ATP9A: variants seen among roughly 807,000 people sequenced by gnomAD.
ATP9A encodes probable phospholipid-transporting ATPase IIA.
In ATP9A, 52 loss-of-function variants were observed where a neutral mutation model predicts 144.1. The ratio of observed to expected loss-of-function variants is 0.36; its 90% CI spans 0.29 to 0.45. The LOEUF is 0.45. ATP9A is among the 20% of genes least tolerant of loss of function. The pLI is 1.00. For missense variants in ATP9A, 947 were observed against 1,392.7 expected (o/e 0.68, Z 5.09); for synonymous variants, 582 against 557.4 (o/e 1.04, Z -0.62).
In ATP9A at chr20:51,660,311, A is replaced by G. The variant is rs184180034; in HGVS notation, c.1294-3161T>C. Among the ~76,000 whole-genome samples, 7 of 152,356 alleles carry G rather than the reference A, an allele frequency of 4.6e-5. No individual in the cohort carries two copies. In the East Asian group the frequency reaches 5.8e-4, roughly 13 times the overall value. The stretch of plus-strand genomic sequence containing the variant: ...GGATTTTGTAAAGCAATCTGCTTTC[A>G]TATCTACAAAAGTCAAATGCTTCCA... On this transcript the variant is annotated intron_variant, in intron 13 of 27. Coordinates refer to ENST00000338821, the MANE Select transcript of ATP9A (RefSeq NM_006045.3).
At chr20:51,729,082 G>A (rs1368936201) in intron 2 of ATP9A, among the ~76,000 whole-genome samples, 1 of 152,100 alleles carries the variant, frequency 6.6e-6, no homozygotes, top group Non-Finnish European at 1.5e-5. Context: ...TCTATAGATG[G>A]TAAGATTAAA....
Position 51,718,814 on chromosome 20 carries a change from C to CAAAAAAAAAAAAAAAAAAAAAA in ATP9A, c.328-5762_328-5741dup, listed in dbSNP as rs71192550. ...TGGGCAACAGAGCAAGACTCCATCT[C>CAAAAAAAAAAAAAAAAAAAAAA]AAAAAAAAAAAAAAAAAAAAAAAAA... On this transcript the variant is annotated intron_variant, in intron 3 of 27. Coordinates refer to ENST00000338821, the MANE Select transcript of ATP9A (RefSeq NM_006045.3). 5.0e-4 allele frequency among the ~76,000 whole-genome samples: 29 copies of CAAAAAAAAAAAAAAAAAAAAAA among 57,688 alleles called. 1 individual carries two copies. The highest frequency in any genetic ancestry group is 6.1e-4 in the Non-Finnish European group (20 of 32,820). The allele number at this position is 57,688 out of a possible 152,430, so 37.8% of individuals were successfully genotyped here.
chr20:51,647,809 G>A (rs1601080227), intron 14 of ATP9A, among the ~76,000 whole-genome samples: 1 of 152,260 alleles, frequency 6.6e-6, no homozygotes, highest in South Asian at 2.1e-4. Context: ...ATGGGACAGA[G>A]CTTTTGCCTC....
At chr20:51,658,888 C>CGGTGGGGTGGGGGGGGGG (rs746874247) in intron 13 of ATP9A, among the ~76,000 whole-genome samples, 1 of 54,826 alleles carries the variant, frequency 1.8e-5, no homozygotes, top group African/African-American at 8.4e-5. Flanking sequence ...AGACCACTGG[C>CGGTGGGGTGGGGGGGGGG]GGGGGGGGGG....
At chr20:51,698,139 G>A (rs2077578382) in intron 4 of ATP9A, among the ~76,000 whole-genome samples, 1 of 152,154 alleles carries the variant, frequency 6.6e-6, no homozygotes, top group African/African-American at 2.4e-5. Context: ...TTCCCCCAAA[G>A]TCTCAGAGTT....
chr20:51,651,457 AAT>A (rs1372652598), intron 14 of ATP9A, among the ~76,000 whole-genome samples: 1 of 147,824 alleles, frequency 6.8e-6, no homozygotes, highest in African/African-American at 2.5e-5. Flanking sequence ...AAATAAAATA[AAT>A]ATATATGTAT....
chr20:51,628,499 G>A (rs1416056632), intron 16 of ATP9A, among the ~76,000 whole-genome samples: 4 of 152,182 alleles, frequency 2.6e-5, no homozygotes. Context: ...CATCTTGTTT[G>A]CCCTCTCCTG....
In ATP9A at chr20:51,600,621, G is replaced by C. The variant is rs1219914720; in HGVS notation, c.*590C>G. On this transcript the variant is annotated 3_prime_UTR_variant, in exon 28 of 28. Coordinates refer to ENST00000338821, the MANE Select transcript of ATP9A (RefSeq NM_006045.3). ...GATCCCAGGAATCCAGTGTAACCTG[G>C]ATAAGCAGGGCTGGCTGGAGACGAT... The C allele has an allele frequency of 6.6e-6, 1 of 152,132 alleles. No homozygotes were observed. The highest frequency in any genetic ancestry group is 1.9e-4 in the East Asian group (1 of 5,196). 9.4% of individuals were successfully genotyped at this position (152,132 alleles called of 1,614,324 possible).
In ATP9A at chr20:51,701,155, G is replaced by A. The variant is rs548583123; in HGVS notation, c.437-3673C>T. Among the ~76,000 whole-genome samples the A allele has an allele frequency of 2.7e-4, 41 of 152,120 alleles. 1 individual carries two copies. The highest frequency in any genetic ancestry group is 2.4e-3 in the Admixed American group (37 of 15,270). On this transcript the variant is annotated intron_variant, in intron 4 of 27. Coordinates refer to ENST00000338821, the MANE Select transcript of ATP9A (RefSeq NM_006045.3). Reference sequence around the variant, plus strand: ...TGACCTGGCCCAAATGATCACACCCGGGTTCAGATCTTCAAGCTCTAGTTA... The same window carrying A: ...TGACCTGGCCCAAATGATCACACCCAGGTTCAGATCTTCAAGCTCTAGTTA...
Position 51,670,294 on chromosome 20 carries a change from G to A in ATP9A, c.1181-185C>T, listed in dbSNP as rs556674671. Among the ~76,000 whole-genome samples the A allele has an allele frequency of 3.2e-4, 48 of 152,270 alleles. 1 individual carries two copies. The South Asian group carries it at 9.5e-3, about 30-fold the overall frequency. Reference sequence around the variant, plus strand: ...AGAATCCCATTCCCCTTTTGAAAATGGCTTCCTAGCTTTCCCAGGGGAAAT... The same window carrying A: ...AGAATCCCATTCCCCTTTTGAAAATAGCTTCCTAGCTTTCCCAGGGGAAAT... On this transcript the variant is annotated intron_variant, in intron 12 of 27. Coordinates refer to ENST00000338821, the MANE Select transcript of ATP9A (RefSeq NM_006045.3).
chr20:51,710,987 G>A (rs982551464), intron 4 of ATP9A, among the ~76,000 whole-genome samples: 14 of 152,170 alleles, frequency 9.2e-5, no homozygotes, highest in African/African-American at 2.9e-4. Flanking sequence ...GTTGCCAAGC[G>A]TTTTAAATGT....
intron 1 of ATP9A, among the ~76,000 whole-genome samples, chr20:51,744,348 T>C (rs1397937205): frequency 6.6e-6 from 1 of 152,098 alleles, no homozygotes; most frequent in Non-Finnish European, 1.5e-5. Flanking sequence ...GTATTTTTAG[T>C]AGAGATGGGG....
intron 19 of ATP9A, among the ~76,000 whole-genome samples, chr20:51,620,445 T>C (rs947452965): frequency 2.0e-5 from 3 of 152,182 alleles, no homozygotes; most frequent in Non-Finnish European, 4.4e-5. Context: ...TTTTTGCCCC[T>C]GGTTGCAATA....
chr20:51,641,513 T>C (rs904532761), intron 14 of ATP9A, among the ~76,000 whole-genome samples: 8 of 151,030 alleles, frequency 5.3e-5, no homozygotes, highest in Non-Finnish European at 1.2e-4. Flanking sequence ...TAAGACCCTG[T>C]CTCAAAAACA....
chr20:51,731,133 G>A (rs1045849985), intron 1 of ATP9A, among the ~76,000 whole-genome samples: 98 of 151,122 alleles, frequency 6.5e-4, no homozygotes, highest in African/African-American at 2.3e-3. Flanking sequence ...GTGAAACCCC[G>A]TCTCTGCTGA....
At position 51,611,771 on chromosome 20, in the gene ATP9A, A is replaced by T. The variant is rs742753; in HGVS notation, c.2572-1606T>A. 1.3e-4 allele frequency among the ~76,000 whole-genome samples: 19 copies of T among 151,992 alleles called. No homozygotes were observed. The highest frequency in any genetic ancestry group is 4.6e-4 in the African/African-American group (19 of 41,366). The stretch of plus-strand genomic sequence containing the variant: ...ACAGCATTATCCTGTTCAATTGGTG[A>T]GTTAACATAAAAGTACAGATGTGGT... On this transcript the variant is annotated intron_variant, in intron 23 of 27. Transcript: ENST00000338821. This position sits in a 1 kb window ranked among gnomAD's most constrained non-coding sequence, Gnocchi z 4.2.
chr20:51,629,917 T>C (rs1200107685), intron 15 of ATP9A, among the ~76,000 whole-genome samples: 1 of 152,220 alleles, frequency 6.6e-6, no homozygotes, highest in Non-Finnish European at 1.5e-5. Flanking sequence ...CTCAGTGGTA[T>C]AACTGCTGCT....
chr20:51,726,769 G>C (rs1390421724), intron 2 of ATP9A, among the ~76,000 whole-genome samples: 1 of 151,754 alleles, frequency 6.6e-6, no homozygotes, highest in Non-Finnish European at 1.5e-5. Flanking sequence ...TGTAGAGACA[G>C]GGTCTCCCTA....
chr20:51,654,361 G>C (rs1355693430), intron 14 of ATP9A, among the ~76,000 whole-genome samples: 2 of 152,066 alleles, frequency 1.3e-5, no homozygotes. Context: ...CTTTGGGAAA[G>C]ATGTTCATTG....
Sources: gnomAD v4.1 joint callset for allele counts (sites outside exome capture counted in the v4.1 genomes callset) on GRCh38, gnomAD v4.1.1 for gene constraint, Gnocchi (gnomAD v3.1) non-coding constraint, MANE v1.5 for transcripts, NCBI Gene and HGNC (gene_info 2026-07-23, HGNC 2026-07-21) for gene names.